The following MFSD8 variants were observed in gnomAD, a reference collection of about 807,000 sequenced individuals.
The protein encoded by MFSD8 is major facilitator superfamily domain-containing protein 8.
MFSD8 carries 55 observed loss-of-function variants against 66.4 expected under a neutral mutation model. The ratio of observed to expected loss-of-function variants is 0.83; its 90% CI spans 0.67 to 1.04. The LOEUF is 1.04. Ranked by LOEUF, MFSD8 falls within the 50% of genes least tolerant of loss-of-function variation. The pLI is 0.00. For missense variants in MFSD8, 550 were observed against 627.6 expected, an observed-to-expected ratio of 0.88 and a Z score of 1.32; for synonymous variants, 202 against 212.8, an observed-to-expected ratio of 0.95 and a Z score of 0.44.
At position 127,930,800 on chromosome 4, in the gene MFSD8, G is replaced by T. The variant is rs140948465; in HGVS notation, c.881C>A (p.Thr294Lys). 5 of 1,609,136 alleles carry T rather than the reference G, an allele frequency of 3.1e-6. No individual in the cohort carries two copies. The highest frequency in any genetic ancestry group is 4.2e-6 in the Non-Finnish European group (5 of 1,177,806). The part of the protein sequence containing the change: ...ALFETIITPL[T>K]MDMYAWTQEQ... ...TTGAGTCCAGGCATACATATCCATT[G>T]TTAATGGAGTAATGATGCTAAGAAA... Residue 294 changes from threonine to lysine, a missense_variant, in exon 9 of 12, where the codon ACA becomes AAA. Physicochemically the swap from Thr to Lys is moderately conservative, Grantham distance 78. Transcript: ENST00000641686.
At chr4:127,938,718 C>CA in intron 7 of MFSD8, 65 bp downstream of exon 7, 1 of 1,404,742 alleles carries the variant, frequency 7.1e-7, no homozygotes, top group South Asian at 1.2e-5. Context: ...AAATACCAAA[C>CA]AAACAGAATC....
chr4:127,949,707 C>A (rs1284557633), intron 3 of MFSD8, 97 bp downstream of exon 3: 1 of 1,006,266 alleles, frequency 9.9e-7, no homozygotes, highest in Non-Finnish European at 1.5e-6. Context: ...AAAGATTAAA[C>A]CATAGAATAC....
chr4:127,951,337 C>G (rs1047637726), intron 2 of MFSD8, among the ~76,000 whole-genome samples: 3 of 152,086 alleles, frequency 2.0e-5, no homozygotes, highest in African/African-American at 7.2e-5. Context: ...TCAAGCGATT[C>G]TCCTGCCTCA....
At chr4:127,948,814 C>T (rs549077166) in intron 3 of MFSD8, among the ~76,000 whole-genome samples, 2 of 152,298 alleles carry the variant, frequency 1.3e-5, no homozygotes, top group East Asian at 3.9e-4. Flanking sequence ...TGGGACTCTT[C>T]GGAGAGTCCC....
chr4:127,938,022 T>C (rs969196397), intron 7 of MFSD8, among the ~76,000 whole-genome samples: 7 of 152,090 alleles, frequency 4.6e-5, no homozygotes, highest in Non-Finnish European at 5.9e-5. Context: ...CTGGCTTATA[T>C]GAATCAGAGA....
Position 127,918,578 on chromosome 4 carries a change from TC to T in MFSD8, c.*2051del, listed in dbSNP as rs1242514611. 1 of 152,208 alleles carries T rather than the reference TC, an allele frequency of 6.6e-6. No individual in the cohort carries two copies. The highest frequency in any genetic ancestry group is 1.5e-5 in the Non-Finnish European group (1 of 68,026). The allele number at this position is 152,208 out of a possible 1,614,324, so 9.4% of individuals were successfully genotyped here. The stretch of plus-strand genomic sequence containing the variant: ...GCCCAAATATTTCTGCTAGTAGGAC[TC>T]ACTGGTATAGTTAAATTACCCTACA... On this transcript the variant is annotated 3_prime_UTR_variant, in exon 12 of 12. Transcript: ENST00000641686.
intron 2 of MFSD8, among the ~76,000 whole-genome samples, chr4:127,956,583 C>G (rs998073717): frequency 6.6e-6 from 1 of 151,224 alleles, no homozygotes; most frequent in Non-Finnish European, 1.5e-5. Flanking sequence ...CTTTGGGAGG[C>G]CGAGGTGGGC....
chr4:127,963,729 T>G (rs1287624302), intron 1 of MFSD8, among the ~76,000 whole-genome samples: 1 of 152,204 alleles, frequency 6.6e-6, no homozygotes, highest in Non-Finnish European at 1.5e-5. Context: ...TAGCAAGATT[T>G]ATCGCAAAGA....
chr4:127,959,276 T>C (rs76367733), intron 1 of MFSD8, among the ~76,000 whole-genome samples: 4,098 of 152,298 alleles, frequency 0.027, 160 homozygotes, highest in African/African-American at 0.093. Flanking sequence ...TCAAAGATTT[T>C]AATGGTGACA....
At chr4:127,936,739 T>C (rs923656215) in intron 7 of MFSD8, among the ~76,000 whole-genome samples, 1 of 152,102 alleles carries the variant, frequency 6.6e-6, no homozygotes, top group African/African-American at 2.4e-5. Flanking sequence ...AGAAGCAACA[T>C]CCTGTGTTTT....
At chr4:127,962,156 A>T (rs563460704) in intron 1 of MFSD8, among the ~76,000 whole-genome samples, 2 of 152,322 alleles carry the variant, frequency 1.3e-5, no homozygotes, top group East Asian at 3.9e-4. Context: ...GTAAGTACTT[A>T]AAAAGTATAG....
At position 127,919,340 on chromosome 4, in the gene MFSD8, TATA is replaced by T. The variant is rs1736104367; in HGVS notation, c.*1287_*1289del. On this transcript the variant is annotated 3_prime_UTR_variant, in exon 12 of 12. Transcript: ENST00000641686. ...CAGGCATGAGACACTGCACCCAACC[TATA>T]AAGTGCAGATTATATAGTGTTTATT... is the stretch of plus-strand genomic sequence containing the variant. 6.6e-6 allele frequency: 1 copy of T among 152,190 alleles called. No individual in the cohort carries two copies. 9.4% of individuals were successfully genotyped at this position (152,190 alleles called of 1,614,324 possible).
chr4:127,965,072 C>G lies in MFSD8; in HGVS notation c.62G>C (p.Arg21Thr), dbSNP rs1326757341. 6.2e-7 allele frequency: 1 copy of G among 1,613,670 alleles called. No individual in the cohort carries two copies. The highest frequency in any genetic ancestry group is 2.2e-5 in the East Asian group (1 of 44,876). The stretch of plus-strand genomic sequence containing the variant: ...GGTCCCTCCACCAGGATCCGCTCAC[C>G]TGCTTCCAGGTGTGTCGCCTAAGAG... ...EPLLGDTPGS[R>T]EWDILETEEH... The change falls in exon 1 of 12, where the codon AGA (arginine) becomes ACA (threonine). Residue 21 changes from arginine to threonine, a missense_variant and splice_region_variant. Transcript: ENST00000641686.
chr4:127,922,444 C>A (rs1185960594), intron 9 of MFSD8, among the ~76,000 whole-genome samples: 3 of 151,976 alleles, frequency 2.0e-5, no homozygotes, highest in African/African-American at 4.8e-5. Flanking sequence ...GGCAACATAG[C>A]AAGACCCCAT....
chr4:127,965,247 C>T (rs1386703274), upstream of MFSD8: 40 of 1,348,296 alleles, frequency 3.0e-5, no homozygotes, highest in Admixed American at 7.7e-5. Context: ...GCGCACCTGA[C>T]GGTCAGACGT....
chr4:127,959,196 T>C (rs1743349246), intron 1 of MFSD8, among the ~76,000 whole-genome samples: 1 of 152,184 alleles, frequency 6.6e-6, no homozygotes, highest in African/African-American at 2.4e-5. Context: ...TTGACCAGGA[T>C]CTATTTTGAA....
intron 9 of MFSD8, 52 bp from the exon 10 acceptor site, chr4:127,922,015 C>T: frequency 1.4e-6 from 2 of 1,423,704 alleles, no homozygotes; most frequent in Middle Eastern, 1.8e-4. Flanking sequence ...TATAACATAG[C>T]TTCATTACTT....
rs544034929 is a variant in MFSD8, at chr4:127,953,149, A to G, written c.155-3302T>C. ...CTCCATGTTCGATCCCAGAGGGTAC[A>G]TTCTGATTAGTCTAAAAAATTCAAC... On this transcript the variant is annotated intron_variant, in intron 2 of 11. Coordinates refer to ENST00000641686, the MANE Select transcript of MFSD8 (RefSeq NM_001371596.2). Among the ~76,000 whole-genome samples the G allele has an allele frequency of 2.3e-4, 35 of 152,222 alleles. No individual in the cohort carries two copies. In the South Asian group the frequency reaches 7.0e-3, roughly 31 times the overall value.
chr4:127,929,118 G>A (rs1474339869), intron 9 of MFSD8, among the ~76,000 whole-genome samples: 1 of 151,316 alleles, frequency 6.6e-6, no homozygotes, highest in Non-Finnish European at 1.5e-5. Flanking sequence ...TCAGGAGATC[G>A]AGACCATCCT....
Sources: allele counts gnomAD v4.1 joint callset (sites outside exome capture counted in the v4.1 genomes callset), GRCh38; gene constraint gnomAD v4.1.1; transcripts MANE v1.5; gene names NCBI Gene and HGNC (gene_info 2026-07-23, HGNC 2026-07-21).